Variants in FRMPD4 observed in about 807,000 individuals in gnomAD.
The protein encoded by FRMPD4 is FERM and PDZ domain containing 4, also known as FERM and PDZ domain-containing protein 4.
FRMPD4 carries 22 observed loss-of-function variants against 94.1 expected under a neutral mutation model. The observed-to-expected ratio is 0.23, with a 90% CI of 0.17 to 0.33. The LOEUF (loss-of-function observed/expected upper bound fraction) is 0.33. Among genes scored for constraint, FRMPD4 ranks in the 10% least tolerant of loss-of-function variants. The pLI is 1.00. For missense variants in FRMPD4, 1,111 were observed against 1,339.9 expected, an observed-to-expected ratio of 0.83 and a Z score of 2.67; for synonymous variants, 631 against 548.6, an observed-to-expected ratio of 1.15 and a Z score of -2.10.
At chrX:12,470,770 C>T (rs867048736) in intron 1 of FRMPD4, among the ~76,000 whole-genome samples, 2 of 111,680 alleles carry the variant, frequency 1.8e-5, no homozygotes, top group Admixed American at 9.5e-5. Context: ...CACATCCCTC[C>T]CTGAAGCTGT....
chrX:12,048,115 C>T (rs761097576), intron 3 of FRMPD4, among the ~76,000 whole-genome samples: 38 of 112,806 alleles, frequency 3.4e-4, no homozygotes, highest in South Asian at 1.1e-3. Context: ...ACATTCCCAC[C>T]GGTGGTGTAT....
intron 1 of FRMPD4, among the ~76,000 whole-genome samples, chrX:12,422,939 G>A (rs116087374): frequency 2.5e-3 from 281 of 111,044 alleles, no homozygotes; most frequent in African/African-American, 8.3e-3. Flanking sequence ...AGGGAGAGAA[G>A]GGCAGTAGAC....
intron 14 of FRMPD4, among the ~76,000 whole-genome samples, chrX:12,713,983 T>A (rs766120187): frequency 3.6e-5 from 4 of 111,991 alleles, no homozygotes; most frequent in African/African-American, 1.3e-4. Flanking sequence ...ATCTCTGGGC[T>A]TTAGGAGGGT....
intron 1 of FRMPD4, among the ~76,000 whole-genome samples, chrX:12,235,046 G>C (rs990408960): frequency 1.8e-5 from 2 of 112,054 alleles, no homozygotes; most frequent in African/African-American, 6.5e-5. Flanking sequence ...CTAAGCACCA[G>C]GCTTATTAAC....
intron 1 of FRMPD4, among the ~76,000 whole-genome samples, chrX:12,284,652 C>G (rs1386342258): frequency 8.9e-6 from 1 of 111,788 alleles, no homozygotes; most frequent in African/African-American, 3.3e-5. Flanking sequence ...TCCCATCTTC[C>G]CATTTCCATA....
chrX:12,526,429 G>A (rs764957288), intron 2 of FRMPD4, among the ~76,000 whole-genome samples: 1 of 112,663 alleles, frequency 8.9e-6, no homozygotes, highest in Non-Finnish European at 1.9e-5. Context: ...GCATAGATTT[G>A]CCCCTCTGGT....
chrX:12,617,784 G>T (rs1331104451), intron 4 of FRMPD4, among the ~76,000 whole-genome samples: 1 of 110,152 alleles, frequency 9.1e-6, no homozygotes, highest in African/African-American at 3.3e-5. Context: ...GTCTTGTTTT[G>T]TTCCTTTTCC....
intron 3 of FRMPD4, among the ~76,000 whole-genome samples, chrX:11,931,483 C>G (rs1479397652): frequency 9.0e-6 from 1 of 111,697 alleles, no homozygotes; most frequent in African/African-American, 3.3e-5. Flanking sequence ...CAGTACCTCG[C>G]CTCTCCTCAT....
chrX:12,382,236 C>T (rs1028664970), intron 1 of FRMPD4, among the ~76,000 whole-genome samples: 3 of 112,049 alleles, frequency 2.7e-5, no homozygotes, highest in African/African-American at 9.7e-5. Flanking sequence ...AAAGGACCCT[C>T]TTTTCCTGTG....
intron 1 of FRMPD4, among the ~76,000 whole-genome samples, chrX:12,282,066 TC>T (rs1279706511): frequency 2.7e-5 from 3 of 112,214 alleles, no homozygotes; most frequent in Non-Finnish European, 5.6e-5. Flanking sequence ...AATTAAGAGG[TC>T]TGAAGGATCT....
chrX:12,484,842 A>T (rs1044520826), intron 1 of FRMPD4, among the ~76,000 whole-genome samples: 27 of 112,280 alleles, frequency 2.4e-4, no homozygotes, highest in Admixed American at 2.2e-3. Context: ...GAGATAAATC[A>T]GTCATTTAAT....
At chrX:11,942,478 A>G (rs2054165870) in intron 3 of FRMPD4, among the ~76,000 whole-genome samples, 1 of 111,143 alleles carries the variant, frequency 9.0e-6, no homozygotes, top group African/African-American at 3.3e-5. Flanking sequence ...CACAAGGAGA[A>G]CTCTAGTTGT....
intron 2 of FRMPD4, among the ~76,000 whole-genome samples, chrX:12,582,689 A>AC (rs2058880297): frequency 9.0e-6 from 1 of 110,915 alleles, no homozygotes. Flanking sequence ...GAGTCATTCC[A>AC]CCCCCTTATC....
intron 1 of FRMPD4, among the ~76,000 whole-genome samples, chrX:12,225,946 C>T (rs1187700796): frequency 2.7e-5 from 3 of 111,693 alleles, no homozygotes; most frequent in Non-Finnish European, 3.8e-5. Context: ...AGGTATATGA[C>T]GTCAGCCTGC....
intron 3 of FRMPD4, among the ~76,000 whole-genome samples, chrX:12,040,219 G>A (rs2054745339): frequency 9.3e-6 from 1 of 107,706 alleles, no homozygotes; most frequent in South Asian, 4.0e-4. Flanking sequence ...GATGCTCTAT[G>A]TCTAGGTACA....
intron 1 of FRMPD4, among the ~76,000 whole-genome samples, chrX:12,402,575 A>T (rs892588517): frequency 8.9e-6 from 1 of 112,117 alleles, no homozygotes; most frequent in African/African-American, 3.2e-5. Flanking sequence ...TTATTTGATC[A>T]ATACCATCAG....
At chrX:12,195,733 C>T (rs1252246920) in intron 1 of FRMPD4, among the ~76,000 whole-genome samples, 1 of 111,443 alleles carries the variant, frequency 9.0e-6, no homozygotes, top group Non-Finnish European at 1.9e-5. Flanking sequence ...AAGGACCAAC[C>T]CTGCAAGCCG....
intron 1 of FRMPD4, among the ~76,000 whole-genome samples, chrX:12,486,037 G>C (rs2057736205): frequency 8.9e-6 from 1 of 111,750 alleles, no homozygotes; most frequent in Non-Finnish European, 1.9e-5. Context: ...GCCTTGACCT[G>C]GGTCTCCCAA....
intron 1 of FRMPD4, among the ~76,000 whole-genome samples, chrX:12,263,768 A>T (rs1258877061): frequency 2.7e-5 from 3 of 110,524 alleles, no homozygotes; most frequent in African/African-American, 6.6e-5. Flanking sequence ...CTATAACAGA[A>T]TACCACAGAC....
Sources: gnomAD v4.1 joint callset for allele counts (sites outside exome capture counted in the v4.1 genomes callset) on GRCh38, gnomAD v4.1.1 for gene constraint, MANE v1.5 for transcripts, NCBI Gene and HGNC (gene_info 2026-07-23, HGNC 2026-07-21) for gene names.